The following LRBA variants were observed in gnomAD, a reference collection of about 807,000 sequenced individuals.
The protein encoded by LRBA is LPS responsive beige-like anchor protein.
In LRBA, 176 loss-of-function variants were observed where a neutral mutation model predicts 330.0. The observed-to-expected ratio is 0.53, with a 90% confidence interval of 0.47 to 0.60. The LOEUF (loss-of-function observed/expected upper bound fraction) is 0.60, where lower values mean the gene tolerates loss of function less well. Among genes scored for constraint, LRBA ranks in the 20% least tolerant of loss-of-function variants. LRBA has a pLI of 0.00. For synonymous variants in LRBA, 1,230 were observed against 1,193.0 expected (o/e 1.03, Z -0.64); for missense variants, 3,259 against 3,444.8 (o/e 0.95, Z 1.35).
chr4:150,548,631 T>C (rs1226034993), intron 40 of LRBA, among the ~76,000 whole-genome samples: 4 of 151,974 alleles, frequency 2.6e-5, no homozygotes, highest in African/African-American at 4.8e-5. Flanking sequence ...TAAAAACAGA[T>C]TTAAAAAAAA....
chr4:150,561,949 T>C (rs1046039507), intron 40 of LRBA, among the ~76,000 whole-genome samples: 2 of 152,150 alleles, frequency 1.3e-5, no homozygotes, highest in African/African-American at 4.8e-5. Context: ...AATATAGTTT[T>C]CATGTAATCT....
intron 36 of LRBA, among the ~76,000 whole-genome samples, chr4:150,714,949 T>C (rs375023350): frequency 1.3e-5 from 2 of 152,122 alleles, no homozygotes; most frequent in African/African-American, 4.8e-5. Flanking sequence ...GAAGATAAGA[T>C]TGCAAAGAAC....
At chr4:150,995,855 C>T (rs183388772) in intron 2 of LRBA, among the ~76,000 whole-genome samples, 1 of 151,898 alleles carries the variant, frequency 6.6e-6, no homozygotes, top group Non-Finnish European at 1.5e-5. Flanking sequence ...TCTTCTTTAC[C>T]ATTTCTGCAT....
intron 36 of LRBA, among the ~76,000 whole-genome samples, chr4:150,685,712 G>A (rs1176549563): frequency 6.6e-6 from 1 of 151,628 alleles, no homozygotes; most frequent in Non-Finnish European, 1.5e-5. Context: ...TGCGATTACA[G>A]GCGTGAGCCA....
intron 26 of LRBA, among the ~76,000 whole-genome samples, chr4:150,845,042 A>G (rs1209349245): frequency 6.6e-6 from 1 of 152,184 alleles, no homozygotes; most frequent in Non-Finnish European, 1.5e-5. Context: ...CTGAAAGGAA[A>G]TCAGTTCAGG....
At chr4:150,486,089 CACAG>C (rs1463142727) in intron 42 of LRBA, among the ~76,000 whole-genome samples, 1 of 151,508 alleles carries the variant, frequency 6.6e-6, no homozygotes, top group African/African-American at 2.4e-5. Flanking sequence ...GTATTCTCAC[CACAG>C]ACACACACAC....
chr4:150,668,032 CAAT>C (rs1365234684), intron 37 of LRBA, among the ~76,000 whole-genome samples: 1 of 152,146 alleles, frequency 6.6e-6, no homozygotes, highest in Non-Finnish European at 1.5e-5. Context: ...GCTCTATAGT[CAAT>C]GTAGTTTCTT....
At chr4:150,486,662 A>C (rs1465767386) in intron 42 of LRBA, among the ~76,000 whole-genome samples, 3 of 151,760 alleles carry the variant, frequency 2.0e-5, no homozygotes, top group Non-Finnish European at 2.9e-5. Flanking sequence ...ATTTTTTGTA[A>C]TCTAGTCTCC....
chr4:150,307,172 C>T (rs1483819401), intron 52 of LRBA, among the ~76,000 whole-genome samples: 1 of 151,696 alleles, frequency 6.6e-6, no homozygotes, highest in Admixed American at 6.6e-5. Context: ...ATGTCAAAAC[C>T]AAAGATTGAC....
intron 2 of LRBA, among the ~76,000 whole-genome samples, chr4:150,961,186 T>C (rs1466992321): frequency 6.7e-6 from 1 of 149,256 alleles, no homozygotes; most frequent in Non-Finnish European, 1.5e-5. Flanking sequence ...TGCCTTGGTT[T>C]TGAGGGTCAA....
intron 36 of LRBA, among the ~76,000 whole-genome samples, chr4:150,697,353 A>C (rs1784742401): frequency 2.0e-5 from 3 of 147,796 alleles, no homozygotes; most frequent in South Asian, 4.3e-4. Context: ...AAAAAAAAAC[A>C]GGGAGAGTTT....
intron 5 of LRBA, among the ~76,000 whole-genome samples, chr4:150,918,665 G>A (rs752129503): frequency 4.6e-5 from 7 of 152,112 alleles, no homozygotes; most frequent in Non-Finnish European, 8.8e-5. Flanking sequence ...CACAAGAATC[G>A]CTTGAACCGG....
At chr4:150,886,361 A>C (rs914842422) in intron 17 of LRBA, among the ~76,000 whole-genome samples, 5 of 152,178 alleles carry the variant, frequency 3.3e-5, no homozygotes, top group African/African-American at 1.2e-4. Context: ...GAAGAATCCT[A>C]AATAGCAGAG....
chr4:151,006,803 C>T (rs1744119952), intron 2 of LRBA, among the ~76,000 whole-genome samples: 2 of 152,160 alleles, frequency 1.3e-5, no homozygotes, highest in South Asian at 4.1e-4. Context: ...TCAAGTCTGT[C>T]ACTTCCAGGA....
At chr4:150,492,726 C>T (rs1304255439) in intron 40 of LRBA, among the ~76,000 whole-genome samples, 1 of 152,062 alleles carries the variant, frequency 6.6e-6, no homozygotes, top group Non-Finnish European at 1.5e-5. Context: ...CTGCATAAAG[C>T]CTCATATCTG....
intron 46 of LRBA, chr4:150,423,618 T>A (rs1360546894): frequency 3.2e-6 from 1 of 309,156 alleles, no homozygotes; most frequent in Non-Finnish European, 6.2e-6. Context: ...TGGTGAAATG[T>A]CCTCACCAAC....
chr4:150,886,045 C>CAA (rs923659422), intron 17 of LRBA, among the ~76,000 whole-genome samples: 1 of 151,812 alleles, frequency 6.6e-6, no homozygotes, highest in African/African-American at 2.4e-5. Context: ...TTGATCCAAC[C>CAA]AAATGGAGTC....
chr4:150,448,510 G>C (rs530358084), intron 44 of LRBA, among the ~76,000 whole-genome samples: 9 of 152,060 alleles, frequency 5.9e-5, no homozygotes, highest in Non-Finnish European at 1.3e-4. Flanking sequence ...ATAAAAGTAG[G>C]TAAGAAGAAG....
At chr4:150,608,678 C>T (rs1581802526) in intron 37 of LRBA, among the ~76,000 whole-genome samples, 1 of 152,140 alleles carries the variant, frequency 6.6e-6, no homozygotes, top group South Asian at 2.1e-4. Context: ...CAGAGTTGTA[C>T]AATCATCACC....
Sources: allele counts gnomAD v4.1 joint callset (sites outside exome capture counted in the v4.1 genomes callset), GRCh38; gene constraint gnomAD v4.1.1; transcripts MANE v1.5; gene names NCBI Gene and HGNC (gene_info 2026-07-23, HGNC 2026-07-21).